Variants in RILP observed in about 807,000 individuals in gnomAD.
RILP encodes Rab interacting lysosomal protein.
RILP carries 53 observed loss-of-function variants against 40.0 expected under a neutral mutation model. The observed-to-expected ratio is 1.32, with a 90% CI of 1.06 to 1.66. The LOEUF (loss-of-function observed/expected upper bound fraction) is 1.66. Ranked by LOEUF, RILP falls within the 40% of genes most tolerant of loss-of-function variation. The pLI is 0.00. For missense variants in RILP, 626 were observed against 551.7 expected (o/e 1.13, Z -1.35); for synonymous variants, 272 against 250.6 (o/e 1.09, Z -0.80).
Position 1,649,738 on chromosome 17 carries a change from A to T in RILP, c.67T>A (p.Ser23Thr). 1 of 1,590,298 alleles carries T rather than the reference A, an allele frequency of 6.3e-7. No individual in the cohort carries two copies. The highest frequency in any genetic ancestry group is 8.5e-7 in the Non-Finnish European group (1 of 1,175,738). ...WGSREAAGSA[S>T]AAELVYHLAG... The stretch of plus-strand genomic sequence containing the variant: ...AGATGGTACACAAGCTCCGCGGCCG[A>T]TGCCGACCCCGCGGCCTCCCGAGAC... Residue 23 changes from serine to threonine, a missense_variant, in exon 1 of 8, where the codon TCG becomes ACG. Ser to Thr is a moderately conservative substitution (Grantham distance 58). Transcript: ENST00000301336. This position sits in a 1 kb window ranked among gnomAD's most constrained non-coding sequence, Gnocchi z 4.3.
At position 1,649,655 on chromosome 17, in the gene RILP, C is replaced by A. The variant is rs372724447; in HGVS notation, c.150G>T (p.Ala50=). The A allele has an allele frequency of 5.0e-6, 8 of 1,588,322 alleles. No individual in the cohort carries two copies. The East Asian group carries it at 1.6e-4, about 31-fold the overall frequency. The change falls in exon 1 of 8, where the codon GCG becomes GCT. Residue 50 remains alanine, a synonymous_variant. Coordinates refer to ENST00000301336, the MANE Select transcript of RILP (RefSeq NM_031430.3). This position sits in a 1 kb window ranked among gnomAD's most constrained non-coding sequence, Gnocchi z 4.3. ...CCACTAGCGGCACCAGCCCGGCCGCCGCCTCCGGCCCGAAACGGCGCGCCA... is the reference window on the plus strand; with the variant it reads ...CCACTAGCGGCACCAGCCCGGCCGCAGCCTCCGGCCCGAAACGGCGCGCCA... The part of the protein sequence containing the change: ...QDLARRFGPE[A]AAGLVPLVVR...
chr17:1,648,422 T>C lies in RILP; in HGVS notation c.749A>G (p.Gln250Arg). Reference protein sequence around the residue: ...QCRFSREEFEQILQERNELKA... With the variant: ...QCRFSREEFERILQERNELKA... Reference sequence around the variant, plus strand: ...GAGTTCATTCCGCTCCTGAAGGATCTGCTCAAACTCCTCCCGACTGAAGCG... The same window carrying C: ...GAGTTCATTCCGCTCCTGAAGGATCCGCTCAAACTCCTCCCGACTGAAGCG... Residue 250 changes from glutamine (Q) to arginine (R), a missense_variant, in exon 5 of 8, where the codon CAG becomes CGG. Coordinates refer to ENST00000301336, the MANE Select transcript of RILP (RefSeq NM_031430.3). The surrounding 1 kb of genome is among the most constrained non-coding windows in gnomAD (Gnocchi z 4.9). 6.2e-7 allele frequency: 1 copy of C among 1,614,168 alleles called. No individual in the cohort carries two copies. The highest frequency in any genetic ancestry group is 8.5e-7 in the Non-Finnish European group (1 of 1,180,020).
In RILP at chr17:1,649,444, C is replaced by A; in HGVS notation, c.290G>T (p.Arg97Leu). 1 of 1,511,366 alleles carries A rather than the reference C, an allele frequency of 6.6e-7. No individual in the cohort carries two copies. Among genetic ancestry groups the A allele is most frequent in the Non-Finnish European group, 8.8e-7 (1 of 1,137,530 alleles). The allele number at this position is 1,511,366 out of a possible 1,614,324, so 93.6% of individuals were successfully genotyped here. A position where few individuals can be genotyped will look rare whatever the true frequency, so the allele number is the denominator to read the frequency against. ...ELRRLREENE[R>L]LRRELRAGPQ... Reference sequence around the variant, plus strand: ...CCCCGCGCGCAGCTCCCTGCGGAGGCGCTCGTTCTCCTCCCGCAGCCGCCG... The same window carrying A: ...CCCCGCGCGCAGCTCCCTGCGGAGGAGCTCGTTCTCCTCCCGCAGCCGCCG... The change falls in exon 2 of 8, where the codon CGC becomes CTC. Residue 97 changes from arginine to leucine, a missense_variant. Coordinates refer to ENST00000301336, the MANE Select transcript of RILP (RefSeq NM_031430.3). The surrounding 1 kb of genome is among the most constrained non-coding windows in gnomAD (Gnocchi z 4.3).
chr17:1,649,451 TCTC>T lies in RILP; in HGVS notation c.280_282del (p.Glu94del), dbSNP rs2151106947. Reference sequence around the variant, plus strand: ...CGCAGCTCCCTGCGGAGGCGCTCGTTCTCCTCCCGCAGCCGCCGCAGCTCCTGC... The same window carrying T: ...CGCAGCTCCCTGCGGAGGCGCTCGTTCTCCCGCAGCCGCCGCAGCTCCTGC... On this transcript the variant is annotated inframe_deletion, in exon 2 of 8. Transcript: ENST00000301336. The surrounding 1 kb of genome is among the most constrained non-coding windows in gnomAD (Gnocchi z 4.3). 1.3e-6 allele frequency: 2 copies of T among 1,510,910 alleles called. No homozygotes were observed. Among genetic ancestry groups the T allele is most frequent in the East Asian group, 2.6e-5 (1 of 37,844 alleles). The allele number at this position is 1,510,910 out of a possible 1,614,324, so 93.6% of individuals were successfully genotyped here.
At position 1,646,927 on chromosome 17, in the gene RILP, G is replaced by A. The variant is rs769814500; in HGVS notation, c.1007C>T (p.Pro336Leu). The change falls in exon 7 of 8, where the codon CCG becomes CTG. Residue 336 changes from proline to leucine, a missense_variant. Coordinates refer to ENST00000301336, the MANE Select transcript of RILP (RefSeq NM_031430.3). The surrounding 1 kb of genome is among the most constrained non-coding windows in gnomAD (Gnocchi z 4.3). ...ATACAAACTCTGTATTTTGGACTCC[G>A]GGGGTGGGGGATGGTCTCCCTTGTC... The part of the protein sequence containing the change: ...SDDKGDHPPP[P>L]ESKIQSFFGL... The A allele has an allele frequency of 1.6e-5, 26 of 1,606,372 alleles. No individual in the cohort carries two copies. The East Asian group carries it at 2.5e-4, about 15-fold the overall frequency.
rs920404938 is a variant in RILP, at chr17:1,649,541, G to T, written c.228+36C>A. 1 of 1,508,976 alleles carries T rather than the reference G, an allele frequency of 6.6e-7. No homozygotes were observed. The highest frequency in any genetic ancestry group is 8.8e-7 in the Non-Finnish European group (1 of 1,135,788). 93.5% of individuals were successfully genotyped at this position (1,508,976 alleles called of 1,614,324 possible). A position where few individuals can be genotyped will look rare whatever the true frequency, so the allele number is the denominator to read the frequency against. On this transcript the variant is annotated intron_variant, in intron 1 of 7. Coordinates refer to ENST00000301336, the MANE Select transcript of RILP (RefSeq NM_031430.3). The surrounding 1 kb of genome is among the most constrained non-coding windows in gnomAD (Gnocchi z 4.3). ...CCGGGTCTCAGGCTTCGGCCCTGCC[G>T]GCCCCGTGGGTGGCGAAGGGAGGGC...
chr17:1,646,660 A>T lies in RILP; in HGVS notation c.1029-41T>A. ...CAGAGGCACTTTGAGCCAGGAAGCC[A>T]GAGAGGTCAAGGATATGGGTGAGGG... On this transcript the variant is annotated intron_variant, in intron 7 of 7. Transcript: ENST00000301336. This position sits in a 1 kb window ranked among gnomAD's most constrained non-coding sequence, Gnocchi z 4.3. 1 of 1,539,734 alleles carries T rather than the reference A, an allele frequency of 6.5e-7. No homozygotes were observed.
In RILP at chr17:1,649,270, G is replaced by A. The variant is rs1217112445; in HGVS notation, c.359C>T (p.Thr120Met). 6.6e-7 allele frequency: 1 copy of A among 1,504,978 alleles called. No homozygotes were observed. Among genetic ancestry groups the A allele is most frequent in the Non-Finnish European group, 8.8e-7 (1 of 1,134,078 alleles). 93.2% of individuals were successfully genotyped at this position (1,504,978 alleles called of 1,614,324 possible). The part of the protein sequence containing the change: ...RALLRQLKEV[T>M]DRQRDELRAH... ...CCGGAGTTCGTCCCGCTGTCGGTCC[G>A]TGACCTCCTTGAGCTGCCGCAGCAG... Residue 120 changes from threonine to methionine, a missense_variant, in exon 3 of 8, where the codon ACG becomes ATG. By Grantham distance (81) the Thr-to-Met change is moderately conservative (BLOSUM62 -1). Transcript: ENST00000301336. The surrounding 1 kb of genome is among the most constrained non-coding windows in gnomAD (Gnocchi z 4.3).
In RILP at chr17:1,648,555, C is replaced by T; in HGVS notation, c.676-60G>A. The T allele has an allele frequency of 6.3e-7, 1 of 1,587,658 alleles. No homozygotes were observed. Among genetic ancestry groups the T allele is most frequent in the Non-Finnish European group, 8.5e-7 (1 of 1,170,526 alleles). On this transcript the variant is annotated intron_variant, in intron 4 of 7. Coordinates refer to ENST00000301336, the MANE Select transcript of RILP (RefSeq NM_031430.3). This position sits in a 1 kb window ranked among gnomAD's most constrained non-coding sequence, Gnocchi z 4.9. ...CGGCTGGCGTTCCCCCGCCCCAGGG[C>T]CATCATGGGAATGCTAGAGGAAGTG...
chr17:1,648,080 C>T lies in RILP; in HGVS notation c.822-123G>A. 7.5e-7 allele frequency: 1 copy of T among 1,340,600 alleles called. No individual in the cohort carries two copies. The highest frequency in any genetic ancestry group is 1.0e-6 in the Non-Finnish European group (1 of 976,146). 83.0% of individuals were successfully genotyped at this position (1,340,600 alleles called of 1,614,324 possible). ...TGTGCACGCAGCTCTTCCCTGAACA[C>T]GGGAAGCGCTCTGCCTTGCTGACAC... On this transcript the variant is annotated intron_variant, in intron 5 of 7. Coordinates refer to ENST00000301336, the MANE Select transcript of RILP (RefSeq NM_031430.3). This position sits in a 1 kb window ranked among gnomAD's most constrained non-coding sequence, Gnocchi z 4.9.
Position 1,648,066 on chromosome 17 carries a change from C to G in RILP, c.822-109G>C. 6.9e-7 allele frequency: 1 copy of G among 1,440,514 alleles called. No individual in the cohort carries two copies. The highest frequency in any genetic ancestry group is 1.2e-5 in the South Asian group (1 of 80,612). 89.2% of individuals were successfully genotyped at this position (1,440,514 alleles called of 1,614,324 possible). A position where few individuals can be genotyped will look rare whatever the true frequency, so the allele number is the denominator to read the frequency against. On this transcript the variant is annotated intron_variant, in intron 5 of 7. Coordinates refer to ENST00000301336, the MANE Select transcript of RILP (RefSeq NM_031430.3). This position sits in a 1 kb window ranked among gnomAD's most constrained non-coding sequence, Gnocchi z 4.9. ...TCACTCCTGGTACCTGTGCACGCAG[C>G]TCTTCCCTGAACACGGGAAGCGCTC...
rs773785325 is a variant in RILP, at chr17:1,649,598, G to A, written c.207C>T (p.Ala69=). The A allele has an allele frequency of 1.3e-6, 2 of 1,571,496 alleles. No homozygotes were observed. The highest frequency in any genetic ancestry group is 1.7e-6 in the Non-Finnish European group (2 of 1,167,310). ...TCACCGAGTCCGGGGCGGGCCCCAC[G>A]GCAGCCTGTTCCAAGAGCTCCAGCG... The part of the protein sequence containing the change: ...VRALELLEQA[A]VGPAPDSLQV... The change falls in exon 1 of 8, where the codon GCC becomes GCT. Residue 69 remains alanine, a synonymous_variant. Coordinates refer to ENST00000301336, the MANE Select transcript of RILP (RefSeq NM_031430.3). The surrounding 1 kb of genome is among the most constrained non-coding windows in gnomAD (Gnocchi z 4.3).
Position 1,649,226 on chromosome 17 carries a change from G to T in RILP, c.403C>A (p.Arg135=). ...GCCTCGGTCTCCTGGCCGCGCTGCC[G>T]CAGGTCGCGGTTGTGCGCCCGGAGT... The part of the protein sequence containing the change: ...DELRAHNRDL[R]QRGQETEALQ... Residue 135 remains arginine, a synonymous_variant, in exon 3 of 8, where the codon CGG becomes AGG. Transcript: ENST00000301336. The surrounding 1 kb of genome is among the most constrained non-coding windows in gnomAD (Gnocchi z 4.3). 1 of 1,338,366 alleles carries T rather than the reference G, an allele frequency of 7.5e-7. No individual in the cohort carries two copies. Among genetic ancestry groups the T allele is most frequent in the Non-Finnish European group, 9.7e-7 (1 of 1,032,634 alleles). The allele number at this position is 1,338,366 out of a possible 1,614,324, so 82.9% of individuals were successfully genotyped here. A position where few individuals can be genotyped will look rare whatever the true frequency, so the allele number is the denominator to read the frequency against.
chr17:1,646,933 G>A lies in RILP; in HGVS notation c.1001C>T (p.Pro334Leu). ...LLSDDKGDHP[P>L]PPESKIQSFF... Reference sequence around the variant, plus strand: ...ACTCTGTATTTTGGACTCCGGGGGTGGGGGATGGTCTCCCTTGTCATCGGA... The same window carrying A: ...ACTCTGTATTTTGGACTCCGGGGGTAGGGGATGGTCTCCCTTGTCATCGGA... Residue 334 changes from proline to leucine, a missense_variant, in exon 7 of 8, where the codon CCA (proline) becomes CTA (leucine). Pro to Leu is a moderately conservative substitution (Grantham distance 98). Transcript: ENST00000301336. This position sits in a 1 kb window ranked among gnomAD's most constrained non-coding sequence, Gnocchi z 4.3. 6.2e-7 allele frequency: 1 copy of A among 1,608,088 alleles called. No individual in the cohort carries two copies. Among genetic ancestry groups the A allele is most frequent in the South Asian group, 1.1e-5 (1 of 90,208 alleles).
chr17:1,648,631 G>A lies in RILP; in HGVS notation c.676-136C>T. 8.5e-6 allele frequency: 12 copies of A among 1,416,150 alleles called. No individual in the cohort carries two copies. Among genetic ancestry groups the A allele is most frequent in the East Asian group, 2.5e-5 (1 of 40,648 alleles). The allele number at this position is 1,416,150 out of a possible 1,614,324, so 87.7% of individuals were successfully genotyped here. A position where few individuals can be genotyped will look rare whatever the true frequency, so the allele number is the denominator to read the frequency against. Reference sequence around the variant, plus strand: ...GGGTGCCCTAACAGATAACAGAGCAGTGCTCCAGCTGAGAGCGGGGGCCGA... The same window carrying A: ...GGGTGCCCTAACAGATAACAGAGCAATGCTCCAGCTGAGAGCGGGGGCCGA... On this transcript the variant is annotated intron_variant, in intron 4 of 7. Coordinates refer to ENST00000301336, the MANE Select transcript of RILP (RefSeq NM_031430.3). This position sits in a 1 kb window ranked among gnomAD's most constrained non-coding sequence, Gnocchi z 4.9.
intron 6 of RILP, among the ~76,000 whole-genome samples, chr17:1,647,584 G>A (rs1047929885): frequency 6.6e-6 from 1 of 152,168 alleles, no homozygotes; most frequent in Non-Finnish European, 1.5e-5. Context: ...CAGAATGGAT[G>A]GCAGGCAAGG....
rs1470064688 is a variant in RILP at position 1,648,142 on chromosome 17, C to A, written c.822-185G>T. Reference sequence around the variant, plus strand: ...AAATTAGGTGGCCCCGTGGCCCCCTCCTAGGAGAGATTCCCTGGCTGCTGC... The same window carrying A: ...AAATTAGGTGGCCCCGTGGCCCCCTACTAGGAGAGATTCCCTGGCTGCTGC... On this transcript the variant is annotated intron_variant, in intron 5 of 7. Transcript: ENST00000301336. This position sits in a 1 kb window ranked among gnomAD's most constrained non-coding sequence, Gnocchi z 4.9. Among the ~76,000 whole-genome samples the A allele has an allele frequency of 6.6e-6, 1 of 152,214 alleles. No individual in the cohort carries two copies. The highest frequency in any genetic ancestry group is 2.4e-5 in the African/African-American group (1 of 41,452).
rs1415212455 is a variant in RILP at position 1,649,254 on chromosome 17, GT to G, written c.374del (p.Asp125AlafsTer30). 1 of 1,505,696 alleles carries G rather than the reference GT, an allele frequency of 6.6e-7. No homozygotes were observed. Among genetic ancestry groups the G allele is most frequent in the Non-Finnish European group, 8.8e-7 (1 of 1,135,212 alleles). 93.3% of individuals were successfully genotyped at this position (1,505,696 alleles called of 1,614,324 possible). ...GGTCGCGGTTGTGCGCCCGGAGTTC[GT>G]CCCGCTGTCGGTCCGTGACCTCCTT... ...QLKEVTDRQR[D>X]ELRAHNRDLR... On this transcript the variant is annotated frameshift_variant, in exon 3 of 8. Transcript: ENST00000301336. LOFTEE classifies it high-confidence loss of function. The surrounding 1 kb of genome is among the most constrained non-coding windows in gnomAD (Gnocchi z 4.3).
At position 1,649,338 on chromosome 17, in the gene RILP, G is replaced by A; in HGVS notation, c.323-32C>T. The A allele has an allele frequency of 6.7e-7, 1 of 1,486,776 alleles. No homozygotes were observed. Among genetic ancestry groups the A allele is most frequent in the Non-Finnish European group, 8.9e-7 (1 of 1,124,560 alleles). 92.1% of individuals were successfully genotyped at this position (1,486,776 alleles called of 1,614,324 possible). A position where few individuals can be genotyped will look rare whatever the true frequency, so the allele number is the denominator to read the frequency against. On this transcript the variant is annotated intron_variant, in intron 2 of 7. Transcript: ENST00000301336. The surrounding 1 kb of genome is among the most constrained non-coding windows in gnomAD (Gnocchi z 4.3). ...AAGGGGCGTTCTTAGCGGCGGCGGC[G>A]CGCGGCCCGCGGGAGGGAGGGGAGG...
Sources: gnomAD v4.1 joint callset for allele counts (sites outside exome capture counted in the v4.1 genomes callset) on GRCh38, gnomAD v4.1.1 for gene constraint, Gnocchi (gnomAD v3.1) non-coding constraint, MANE v1.5 for transcripts, NCBI Gene and HGNC (gene_info 2026-07-23, HGNC 2026-07-21) for gene names.